Variants in CDC42SE2 observed in about 807,000 individuals in gnomAD.
CDC42SE2 encodes CDC42 small effector 2, also known as CDC42 small effector protein 2.
A neutral mutation model predicts 11.5 loss-of-function variants in CDC42SE2; 3 were observed. The observed-to-expected ratio is 0.26, with a 90% CI of 0.12 to 0.67. CDC42SE2 has a LOEUF of 0.67. Among genes scored for constraint, CDC42SE2 ranks in the 30% least tolerant of loss-of-function variants. CDC42SE2 has a pLI of 0.80. For missense variants in CDC42SE2, 82 were observed against 106.8 expected, an observed-to-expected ratio of 0.77 and a Z score of 1.02; for synonymous variants, 33 against 34.8, an observed-to-expected ratio of 0.95 and a Z score of 0.18.
intron 1 of CDC42SE2, among the ~76,000 whole-genome samples, chr5:131,312,508 C>G (rs535111676): frequency 8.2e-4 from 125 of 152,320 alleles, no homozygotes; most frequent in Admixed American, 3.0e-3. Context: ...CCTAAGCAAG[C>G]CTGGGCAATG....
rs34594352 is a variant in CDC42SE2 at position 131,339,246 on chromosome 5, GAAAAAAAAA to G, written c.-285-19945_-285-19937del. Among the ~76,000 whole-genome samples the G allele has an allele frequency of 1.7e-3, 49 of 28,244 alleles. 1 individual carries two copies. The highest frequency in any genetic ancestry group is 0.011 in the Admixed American group (21 of 1,990). The allele number at this position is 28,244 out of a possible 152,430, so 18.5% of individuals were successfully genotyped here. On this transcript the variant is annotated intron_variant, in intron 2 of 4. Transcript: ENST00000505065. Reference sequence around the variant, plus strand: ...GTGGTGACAGAGTGAGACTCTGTCTGAAAAAAAAAAAAAAAAAAAAAAAAAAGAATGCTT... The same window carrying G: ...GTGGTGACAGAGTGAGACTCTGTCTGAAAAAAAAAAAAAAAAAGAATGCTT...
rs112520618 is a variant in CDC42SE2 at position 131,363,675 on chromosome 5, C to T, written c.54+4128C>T. ...TATAGCTGTGAGCCACCGCGCCCGG[C>T]CTTTTTTTTTTCTCTTACTCTTTTT... On this transcript the variant is annotated intron_variant, in intron 3 of 4. Coordinates refer to ENST00000505065, the MANE Select transcript of CDC42SE2 (RefSeq NM_001375635.1). Among the ~76,000 whole-genome samples the T allele has an allele frequency of 8.8e-3, 1,309 of 148,942 alleles. 23 individuals are homozygous for T. The highest frequency in any genetic ancestry group is 0.031 in the African/African-American group (1,251 of 40,418).
the CDC42SE2 span, among the ~76,000 whole-genome samples, chr5:131,238,803 G>T: frequency 6.6e-6 from 1 of 151,594 alleles, no homozygotes; most frequent in Non-Finnish European, 1.5e-5. Flanking sequence ...AATCAAAATT[G>T]TCTGTTGTCT....
intron 3 of CDC42SE2, among the ~76,000 whole-genome samples, chr5:131,380,077 C>T (rs550069923): frequency 6.6e-6 from 1 of 151,926 alleles, no homozygotes; most frequent in South Asian, 2.1e-4. Flanking sequence ...CAGGTGCCTG[C>T]CACCATGCCC....
At chr5:131,252,587 T>C (rs907887617) in intron 1 of CDC42SE2, among the ~76,000 whole-genome samples, 1 of 151,928 alleles carries the variant, frequency 6.6e-6, no homozygotes, top group Non-Finnish European at 1.5e-5. Flanking sequence ...ACCAGGGAGG[T>C]GGAGGTTGCA....
chr5:131,303,388 G>A (rs180893926), intron 1 of CDC42SE2, among the ~76,000 whole-genome samples: 3 of 152,082 alleles, frequency 2.0e-5, no homozygotes, highest in Non-Finnish European at 4.4e-5. Context: ...GATTTAATAG[G>A]GTCAAGGCCT....
chr5:131,382,660 T>TATC (rs2149787225), intron 3 of CDC42SE2, among the ~76,000 whole-genome samples: 1 of 152,280 alleles, frequency 6.6e-6, no homozygotes, highest in South Asian at 2.1e-4. Context: ...CAGAAGCAGT[T>TATC]ATCTTGACAT....
intron 1 of CDC42SE2, among the ~76,000 whole-genome samples, chr5:131,307,107 G>A (rs562051779): frequency 2.0e-5 from 3 of 151,102 alleles, no homozygotes; most frequent in Admixed American, 1.3e-4. Flanking sequence ...GGGTACATGT[G>A]CACATTGTGC....
At chr5:131,220,323 A>G in the CDC42SE2 span, among the ~76,000 whole-genome samples, 1 of 152,068 alleles carries the variant, frequency 6.6e-6, no homozygotes, top group Non-Finnish European at 1.5e-5. Flanking sequence ...CTCCTGCCTC[A>G]GCCTCCCGAG....
intron 3 of CDC42SE2, among the ~76,000 whole-genome samples, chr5:131,362,574 C>T (rs956280991): frequency 3.3e-5 from 5 of 152,192 alleles, no homozygotes; most frequent in African/African-American, 1.2e-4. Context: ...TTCCCTATCA[C>T]CCCCTGCTTT....
chr5:131,351,016 G>T (rs1311940737), intron 2 of CDC42SE2, among the ~76,000 whole-genome samples: 1 of 152,050 alleles, frequency 6.6e-6, no homozygotes, highest in Admixed American at 6.6e-5. Flanking sequence ...TACAGTCATG[G>T]CTCACTGCAG....
At chr5:131,341,853 C>T (rs1019870548) in intron 2 of CDC42SE2, among the ~76,000 whole-genome samples, 27 of 151,594 alleles carry the variant, frequency 1.8e-4, no homozygotes, top group African/African-American at 6.3e-4. Context: ...TGAGATTGTT[C>T]CACTGAACTC....
intron 2 of CDC42SE2, among the ~76,000 whole-genome samples, chr5:131,346,154 G>A (rs998600303): frequency 2.0e-5 from 3 of 152,112 alleles, no homozygotes; most frequent in Non-Finnish European, 4.4e-5. Flanking sequence ...ACATAAAAAT[G>A]TTTACCTTAA....
Position 131,393,411 on chromosome 5 carries a change from G to A in CDC42SE2, c.*2320G>A, listed in dbSNP as rs996622870. On this transcript the variant is annotated 3_prime_UTR_variant, in exon 5 of 5. Coordinates refer to ENST00000505065, the MANE Select transcript of CDC42SE2 (RefSeq NM_001375635.1). ...TTTTGAGCCTTTGTGTCAATCCCAA[G>A]CACAGAGAGGATCTGCCAAGGAAAA... 6.6e-6 allele frequency: 1 copy of A among 152,346 alleles called. No individual in the cohort carries two copies. Among genetic ancestry groups the A allele is most frequent in the Non-Finnish European group, 1.5e-5 (1 of 68,042 alleles). 9.4% of individuals were successfully genotyped at this position (152,346 alleles called of 1,614,324 possible). A position where few individuals can be genotyped will look rare whatever the true frequency, so the allele number is the denominator to read the frequency against.
intron 1 of CDC42SE2, among the ~76,000 whole-genome samples, chr5:131,286,630 C>T (rs190813424): frequency 6.6e-5 from 10 of 151,908 alleles, no homozygotes; most frequent in African/African-American, 2.2e-4. Context: ...CCTGAGACAG[C>T]GAGACCAACC....
chr5:131,320,463 G>A (rs1317503956), intron 2 of CDC42SE2, among the ~76,000 whole-genome samples: 9 of 150,350 alleles, frequency 6.0e-5, no homozygotes, highest in East Asian at 2.0e-4. Flanking sequence ...TATTCTGGCC[G>A]GGTGGCAGTG....
the CDC42SE2 span, among the ~76,000 whole-genome samples, chr5:131,229,513 C>A: frequency 6.6e-6 from 1 of 152,032 alleles, no homozygotes; most frequent in African/African-American, 2.4e-5. Flanking sequence ...CCTCAGCCTC[C>A]CAAGTAGCTG....
chr5:131,274,607 C>A (rs1287018299), intron 1 of CDC42SE2, among the ~76,000 whole-genome samples: 1 of 152,126 alleles, frequency 6.6e-6, no homozygotes, highest in Non-Finnish European at 1.5e-5. Context: ...GTGTTCAAAC[C>A]CTTAGTGGCT....
intron 1 of CDC42SE2, among the ~76,000 whole-genome samples, chr5:131,289,962 C>A (rs888930705): frequency 6.6e-6 from 1 of 152,102 alleles, no homozygotes; most frequent in African/African-American, 2.4e-5. Flanking sequence ...TTTGCCTCAG[C>A]CTTTTGAGTA....
Sources: allele counts gnomAD v4.1 joint callset (sites outside exome capture counted in the v4.1 genomes callset), GRCh38; gene constraint gnomAD v4.1.1; transcripts MANE v1.5; gene names NCBI Gene and HGNC (gene_info 2026-07-23, HGNC 2026-07-21).